The following NAV2 variants were observed in gnomAD, a reference collection of about 807,000 sequenced individuals.
NAV2 encodes neuron navigator 2.
In NAV2, 54 loss-of-function variants were observed where a neutral mutation model predicts 223.2. The ratio of observed to expected loss-of-function variants is 0.24; its 90% CI spans 0.19 to 0.30. NAV2 has a LOEUF of 0.30. Ranked by LOEUF, NAV2 falls within the 10% of genes least tolerant of loss-of-function variation. The pLI, the probability that NAV2 is intolerant of heterozygous loss-of-function variation, is 1.00. For missense variants in NAV2, 2,806 were observed against 3,147.5 expected, an observed-to-expected ratio of 0.89 and a Z score of 2.60; for synonymous variants, 1,279 against 1,239.3, an observed-to-expected ratio of 1.03 and a Z score of -0.67.
chr11:19,587,335 C>T lies in NAV2; in HGVS notation c.75+236308C>T, dbSNP rs117963458. Among the ~76,000 whole-genome samples, 1,044 of 152,312 alleles carry T rather than the reference C, an allele frequency of 6.9e-3. 15 individuals are homozygous for T. Among genetic ancestry groups the T allele is most frequent in the Admixed American group, 0.035 (539 of 15,302 alleles). On this transcript the variant is annotated intron_variant, in intron 1 of 37. Transcript: ENST00000360655. ...GACCCCTTGCACATCCCGGGTGAGGCGATGCCTTGCCCTGCTTCAGCTCAC... is the reference window on the plus strand; with the variant it reads ...GACCCCTTGCACATCCCGGGTGAGGTGATGCCTTGCCCTGCTTCAGCTCAC...
chr11:19,620,796 T>C (rs1170583669), intron 1 of NAV2, among the ~76,000 whole-genome samples: 1 of 152,178 alleles, frequency 6.6e-6, no homozygotes, highest in Non-Finnish European at 1.5e-5. Context: ...TCCAACACTA[T>C]GTTGAATAGG....
chr11:19,395,252 A>G (rs1404193920), intron 1 of NAV2, among the ~76,000 whole-genome samples: 1 of 152,258 alleles, frequency 6.6e-6, no homozygotes, highest in Non-Finnish European at 1.5e-5. Context: ...ATTGTCATGC[A>G]GATATTTGTC....
At chr11:19,845,456 AAAT>A (rs1022551771) in intron 3 of NAV2, among the ~76,000 whole-genome samples, 1 of 152,230 alleles carries the variant, frequency 6.6e-6, no homozygotes, top group African/African-American at 2.4e-5. Flanking sequence ...TAGGAAAAAA[AAAT>A]AATCAGCATA....
At chr11:20,068,246 G>GTATTGTCAATTATTTTAAC (rs1404728182) in intron 21 of NAV2, 37 bp downstream of exon 21, 22 of 1,612,322 alleles carry the variant, frequency 1.4e-5, no homozygotes, top group Non-Finnish European at 1.9e-5. Flanking sequence ...TCCTCTTTAA[G>GTATTGTCAATTATTTTAAC]TATTGTCAAT....
chr11:19,550,195 A>G (rs1264563787), intron 1 of NAV2, among the ~76,000 whole-genome samples: 1 of 152,238 alleles, frequency 6.6e-6, no homozygotes, highest in Non-Finnish European at 1.5e-5. Context: ...GAAATTTGAC[A>G]AAACAATATC....
intron 10 of NAV2, among the ~76,000 whole-genome samples, chr11:19,983,132 G>A (rs2050446218): frequency 1.3e-5 from 2 of 152,002 alleles, no homozygotes; most frequent in Non-Finnish European, 2.9e-5. Flanking sequence ...TTGCCTTCCT[G>A]TTCTCCTCTG....
intron 1 of NAV2, among the ~76,000 whole-genome samples, chr11:19,831,232 G>T (rs1309651392): frequency 1.8e-5 from 2 of 114,278 alleles, no homozygotes. Context: ...GCGGGGGGGG[G>T]GGGGGCGCGA....
rs573584469 is a variant in NAV2 at position 19,430,701 on chromosome 11, G to T, written c.75+79674G>T. ...GTTTCTGGAGCTCTGCACACATCCA[G>T]TTAAGAAGATATGATGCCAGTCTCC... On this transcript the variant is annotated intron_variant, in intron 1 of 37. Transcript: ENST00000360655. Among the ~76,000 whole-genome samples, 3 of 146,718 alleles carry T rather than the reference G, an allele frequency of 2.0e-5. No homozygotes were observed. In the East Asian group the frequency reaches 6.2e-4, roughly 30 times the overall value.
At chr11:19,645,359 GA>G (rs941037897) in intron 1 of NAV2, among the ~76,000 whole-genome samples, 1 of 152,180 alleles carries the variant, frequency 6.6e-6, no homozygotes, top group Non-Finnish European at 1.5e-5. Context: ...TAATCCAGGA[GA>G]TTCTCCCTAT....
At chr11:19,905,254 A>C (rs1207909332) in intron 6 of NAV2, among the ~76,000 whole-genome samples, 3 of 152,198 alleles carry the variant, frequency 2.0e-5, no homozygotes, top group African/African-American at 7.2e-5. Flanking sequence ...TGCCAAGTTC[A>C]TGCTCAGAGG....
At chr11:20,068,245 A>G (rs1338039002) in intron 21 of NAV2, 36 bp downstream of exon 21, 4 of 1,612,586 alleles carry the variant, frequency 2.5e-6, no homozygotes, top group South Asian at 1.1e-5. Context: ...TTCCTCTTTA[A>G]GTATTGTCAA....
intron 1 of NAV2, among the ~76,000 whole-genome samples, chr11:19,669,012 C>A (rs2048505156): frequency 6.6e-6 from 1 of 152,152 alleles, no homozygotes; most frequent in South Asian, 2.1e-4. Flanking sequence ...GACAAGCAGA[C>A]AGGTGAATGG....
intron 1 of NAV2, among the ~76,000 whole-genome samples, chr11:19,609,744 G>T (rs975854390): frequency 1.1e-4 from 17 of 152,178 alleles, no homozygotes; most frequent in Non-Finnish European, 2.2e-4. Context: ...TTGAACAAAT[G>T]ATTATTGGCC....
intron 1 of NAV2, among the ~76,000 whole-genome samples, chr11:19,457,520 G>A (rs1851996662): frequency 6.6e-6 from 1 of 152,200 alleles, no homozygotes; most frequent in Non-Finnish European, 1.5e-5. Flanking sequence ...GGGCCTTATT[G>A]ACCATGGTAA....
intron 22 of NAV2, among the ~76,000 whole-genome samples, chr11:20,076,054 C>T (rs1009471059): frequency 6.6e-6 from 1 of 152,164 alleles, no homozygotes; most frequent in Non-Finnish European, 1.5e-5. Context: ...CTGTGTTTTG[C>T]AGTACCTGAA....
At chr11:19,498,258 A>G (rs1330046910) in intron 1 of NAV2, among the ~76,000 whole-genome samples, 1 of 152,220 alleles carries the variant, frequency 6.6e-6, no homozygotes, top group Non-Finnish European at 1.5e-5. Flanking sequence ...GATGTGGTCA[A>G]ATCATTCTAT....
At chr11:19,473,415 G>T (rs999597222) in intron 1 of NAV2, among the ~76,000 whole-genome samples, 4 of 152,120 alleles carry the variant, frequency 2.6e-5, no homozygotes, top group African/African-American at 9.7e-5. Flanking sequence ...CATATCCAAT[G>T]ACCTCATAAT....
chr11:19,668,308 C>G (rs535600934), intron 1 of NAV2, among the ~76,000 whole-genome samples: 1 of 152,150 alleles, frequency 6.6e-6, no homozygotes, highest in East Asian at 1.9e-4. Flanking sequence ...GAGGCCAAGG[C>G]GGGTGGATCA....
intron 1 of NAV2, among the ~76,000 whole-genome samples, chr11:19,828,225 A>G (rs965083178): frequency 1.3e-5 from 2 of 152,192 alleles, no homozygotes; most frequent in Admixed American, 6.5e-5. Context: ...CATTTTTCAC[A>G]TATACAATTT....
Sources: allele counts gnomAD v4.1 joint callset (sites outside exome capture counted in the v4.1 genomes callset), GRCh38; gene constraint gnomAD v4.1.1; transcripts MANE v1.5; gene names NCBI Gene and HGNC (gene_info 2026-07-23, HGNC 2026-07-21).